KCNH8: variants seen among roughly 807,000 people sequenced by gnomAD.
The protein encoded by KCNH8 is potassium voltage-gated channel subfamily H member 8, also known as voltage-gated delayed rectifier potassium channel KCNH8.
In KCNH8, 70 loss-of-function variants were observed where a neutral mutation model predicts 103.6. That is an observed-to-expected ratio of 0.68 (90% CI 0.56 to 0.82). The LOEUF (loss-of-function observed/expected upper bound fraction) is 0.82. Ranked by LOEUF, KCNH8 falls within the 40% of genes least tolerant of loss-of-function variation. The probability of loss-of-function intolerance (pLI) is 0.00; values close to 1 mark genes in which losing one functional copy is unlikely to be tolerated. For synonymous variants in KCNH8, 498 were observed against 489.4 expected, an observed-to-expected ratio of 1.02 and a Z score of -0.23; for missense variants, 1,217 against 1,329.9, an observed-to-expected ratio of 0.92 and a Z score of 1.32.
At chr3:19,360,230 G>T (rs1248982327) in intron 5 of KCNH8, among the ~76,000 whole-genome samples, 9 of 151,968 alleles carry the variant, frequency 5.9e-5, no homozygotes, top group African/African-American at 1.9e-4. Flanking sequence ...ATGTGCAAAA[G>T]GTTTGCTGGG....
chr3:19,338,353 G>A (rs1335850260), intron 3 of KCNH8, among the ~76,000 whole-genome samples: 10 of 151,932 alleles, frequency 6.6e-5, no homozygotes, highest in Non-Finnish European at 1.5e-5. Flanking sequence ...TGATTCTTCA[G>A]ATTTTAGCCC....
intron 8 of KCNH8, chr3:19,448,909 A>G: frequency 4.5e-6 from 5 of 1,105,554 alleles, no homozygotes; most frequent in Non-Finnish European, 6.1e-6. Flanking sequence ...AACGTGCTTG[A>G]CCCTCATCTT....
intron 1 of KCNH8, among the ~76,000 whole-genome samples, chr3:19,151,454 G>GA (rs146266130): frequency 0.046 from 7,001 of 150,662 alleles, 534 homozygotes; most frequent in African/African-American, 0.16. Flanking sequence ...CAATTTTTAT[G>GA]AAAAAAAAAT....
chr3:19,200,245 T>A (rs985500447), intron 1 of KCNH8, among the ~76,000 whole-genome samples: 1 of 151,996 alleles, frequency 6.6e-6, no homozygotes, highest in Admixed American at 6.6e-5. Context: ...TAAAAGATGA[T>A]CTTGAGAAGT....
At chr3:19,196,419 T>C (rs1039096805) in intron 1 of KCNH8, among the ~76,000 whole-genome samples, 5 of 151,590 alleles carry the variant, frequency 3.3e-5, no homozygotes, top group Non-Finnish European at 7.4e-5. Context: ...TCAGCACCAA[T>C]GTAATGAGAT....
chr3:19,527,501 C>A (rs1291735353), intron 15 of KCNH8, among the ~76,000 whole-genome samples: 1 of 151,840 alleles, frequency 6.6e-6, no homozygotes, highest in African/African-American at 2.4e-5. Context: ...ACAACAAGGC[C>A]CTTATGGAAA....
At chr3:19,513,365 G>A (rs1559366563) in intron 13 of KCNH8, 40 bp downstream of exon 13, 1 of 1,544,158 alleles carries the variant, frequency 6.5e-7, no homozygotes, top group Admixed American at 2.0e-5. Context: ...CGTGAACGTG[G>A]CTGCCTTTTA....
intron 5 of KCNH8, among the ~76,000 whole-genome samples, chr3:19,369,887 C>T (rs2066064045): frequency 1.3e-5 from 2 of 152,022 alleles, no homozygotes; most frequent in Non-Finnish European, 2.9e-5. Flanking sequence ...ACCATCAGCT[C>T]TGTCTAGACT....
intron 1 of KCNH8, among the ~76,000 whole-genome samples, chr3:19,150,931 TACA>T (rs2125177910): frequency 6.6e-6 from 1 of 152,236 alleles, no homozygotes; most frequent in Non-Finnish European, 1.5e-5. Context: ...AGGTTTTGTT[TACA>T]ACATTTAGTG....
chr3:19,190,903 A>G (rs2063545694), intron 1 of KCNH8, among the ~76,000 whole-genome samples: 1 of 152,036 alleles, frequency 6.6e-6, no homozygotes, highest in East Asian at 1.9e-4. Flanking sequence ...ATGCTGTGTT[A>G]GTTTCATTTT....
At chr3:19,453,346 T>A (rs2067478584) in intron 10 of KCNH8, among the ~76,000 whole-genome samples, 2 of 152,232 alleles carry the variant, frequency 1.3e-5, no homozygotes, top group South Asian at 4.1e-4. Context: ...TCCTTTAAAT[T>A]TATGCAAATT....
chr3:19,403,399 T>TATATATATATAA lies in KCNH8; in HGVS notation c.1177+8089_1177+8090insTATATATATAAA, dbSNP rs1491066162. ...ATATATATATATATATATATATATA[T>TATATATATATAA]AAAATCCTTCTGTTTATGGTATTAC... On this transcript the variant is annotated intron_variant, in intron 7 of 15. Coordinates refer to ENST00000328405, the MANE Select transcript of KCNH8 (RefSeq NM_144633.3). Among the ~76,000 whole-genome samples the TATATATATATAA allele has an allele frequency of 7.2e-5, 10 of 139,792 alleles. No homozygotes were observed. In the East Asian group the frequency reaches 1.6e-3, roughly 22 times the overall value. The allele number at this position is 139,792 out of a possible 152,430, so 91.7% of individuals were successfully genotyped here.
At chr3:19,375,671 G>A (rs1198548252) in intron 5 of KCNH8, among the ~76,000 whole-genome samples, 2 of 152,070 alleles carry the variant, frequency 1.3e-5, no homozygotes, top group African/African-American at 2.4e-5. Context: ...CTTTGGAGGA[G>A]GAGAGGCACT....
chr3:19,447,708 A>G (rs2067383280), intron 8 of KCNH8, among the ~76,000 whole-genome samples: 2 of 152,142 alleles, frequency 1.3e-5, no homozygotes, highest in Non-Finnish European at 2.9e-5. Context: ...AGTGTTTATC[A>G]TAAGTAGAGC....
At chr3:19,261,703 C>T (rs11926587) in intron 2 of KCNH8, among the ~76,000 whole-genome samples, 14,171 of 151,466 alleles carry the variant, frequency 0.094, 2,120 homozygotes, top group African/African-American at 0.32. Flanking sequence ...CTTTTCCTCC[C>T]CTATATTTTC....
At chr3:19,428,814 T>C (rs2125163721) in intron 7 of KCNH8, among the ~76,000 whole-genome samples, 1 of 152,360 alleles carries the variant, frequency 6.6e-6, no homozygotes, top group East Asian at 1.9e-4. Context: ...GCTGCATTGC[T>C]TGCCTTCTGG....
intron 8 of KCNH8, among the ~76,000 whole-genome samples, chr3:19,448,716 A>G: frequency 6.6e-6 from 1 of 152,084 alleles, no homozygotes; most frequent in East Asian, 1.9e-4. Context: ...TTGTACATGT[A>G]CATTTTGATA....
At chr3:19,263,274 G>T (rs908968644) in intron 2 of KCNH8, among the ~76,000 whole-genome samples, 102 of 152,100 alleles carry the variant, frequency 6.7e-4, no homozygotes, top group African/African-American at 2.3e-3. Context: ...TTACTCACTG[G>T]GTTGTAGAGT....
intron 7 of KCNH8, among the ~76,000 whole-genome samples, chr3:19,412,721 A>C (rs2066800373): frequency 6.6e-6 from 1 of 152,078 alleles, no homozygotes; most frequent in South Asian, 2.1e-4. Context: ...TGAGCAAAAG[A>C]CATGAATAGG....
Sources: allele counts gnomAD v4.1 joint callset (sites outside exome capture counted in the v4.1 genomes callset), GRCh38; gene constraint gnomAD v4.1.1; transcripts MANE v1.5; gene names NCBI Gene and HGNC (gene_info 2026-07-23, HGNC 2026-07-21).